The following KCNH1 variants were observed in gnomAD, a reference collection of about 807,000 sequenced individuals.
The protein encoded by KCNH1 is potassium voltage-gated channel subfamily H member 1, also known as voltage-gated delayed rectifier potassium channel KCNH1.
KCNH1 carries 27 observed loss-of-function variants against 69.2 expected under a neutral mutation model. That is an observed-to-expected ratio of 0.39 (90% CI 0.29 to 0.54). KCNH1 has a LOEUF of 0.54. Among genes scored for constraint, KCNH1 ranks in the 20% least tolerant of loss-of-function variants. The pLI, the probability that KCNH1 is intolerant of heterozygous loss-of-function variation, is 0.68. For synonymous variants in KCNH1, 456 were observed against 487.7 expected, an observed-to-expected ratio of 0.93 and a Z score of 0.86; for missense variants, 798 against 1,261.6, an observed-to-expected ratio of 0.63 and a Z score of 5.57.
intron 10 of KCNH1, among the ~76,000 whole-genome samples, chr1:210,759,166 C>CACAT (rs1323850343): frequency 6.6e-6 from 1 of 151,418 alleles, no homozygotes; most frequent in East Asian, 1.9e-4. Context: ...GACACACACA[C>CACAT]ACACACACAC....
intron 7 of KCNH1, among the ~76,000 whole-genome samples, chr1:210,811,380 T>C (rs949627610): frequency 6.6e-6 from 1 of 152,156 alleles, no homozygotes; most frequent in Non-Finnish European, 1.5e-5. Context: ...CTGGTGAAAA[T>C]TTTTTGGGAG....
At chr1:210,718,908 CAA>C (rs1682379328) in intron 10 of KCNH1, among the ~76,000 whole-genome samples, 1 of 151,762 alleles carries the variant, frequency 6.6e-6, no homozygotes, top group Non-Finnish European at 1.5e-5. Context: ...GGAGAAGACT[CAA>C]GAGTCTGTGG....
intron 10 of KCNH1, among the ~76,000 whole-genome samples, chr1:210,691,972 G>T (rs1036582057): frequency 1.1e-4 from 17 of 152,194 alleles, no homozygotes; most frequent in African/African-American, 4.1e-4. Context: ...AGGAGGAGTA[G>T]GAATGCACAG....
chr1:211,021,749 T>A (rs538524775), intron 5 of KCNH1, among the ~76,000 whole-genome samples: 1 of 151,986 alleles, frequency 6.6e-6, no homozygotes, highest in Admixed American at 6.6e-5. Flanking sequence ...ACAAAAAAAA[T>A]TAAATGTCTA....
chr1:210,688,017 G>A (rs1329744108), intron 10 of KCNH1, among the ~76,000 whole-genome samples: 1 of 152,186 alleles, frequency 6.6e-6, no homozygotes, highest in Non-Finnish European at 1.5e-5. Flanking sequence ...TAGGTACTAT[G>A]AGGGGGAAAA....
intron 7 of KCNH1, among the ~76,000 whole-genome samples, chr1:210,915,400 GA>G (rs1266465913): frequency 6.6e-6 from 1 of 152,200 alleles, no homozygotes; most frequent in African/African-American, 2.4e-5. Context: ...TCCTCTCCTA[GA>G]TGTCACACAG....
intron 7 of KCNH1, among the ~76,000 whole-genome samples, chr1:210,849,758 TC>T (rs1685642823): frequency 6.6e-6 from 1 of 152,064 alleles, no homozygotes; most frequent in South Asian, 2.1e-4. Flanking sequence ...AGGAGCTCCA[TC>T]TACCCCACCC....
At position 210,681,401 on chromosome 1, in the gene KCNH1, G is replaced by T. The variant is rs1037977558; in HGVS notation, c.*1880C>A. 6.6e-6 allele frequency: 1 copy of T among 152,266 alleles called. No individual in the cohort carries two copies. The highest frequency in any genetic ancestry group is 2.4e-5 in the African/African-American group (1 of 41,452). 9.4% of individuals were successfully genotyped at this position (152,266 alleles called of 1,614,324 possible). On this transcript the variant is annotated 3_prime_UTR_variant, in exon 11 of 11. Coordinates refer to ENST00000271751, the MANE Select transcript of KCNH1 (RefSeq NM_172362.3). ...ATTATGTCGCAACCTGGAGAAGCCAGGGGCAGCCCCTGTAAGCCTGATGTG... is the reference window on the plus strand; with the variant it reads ...ATTATGTCGCAACCTGGAGAAGCCATGGGCAGCCCCTGTAAGCCTGATGTG...
chr1:210,705,386 G>A (rs1681883679), intron 10 of KCNH1, among the ~76,000 whole-genome samples: 1 of 152,162 alleles, frequency 6.6e-6, no homozygotes, highest in African/African-American at 2.4e-5. Context: ...ACACATGGAG[G>A]TCAGACAGAG....
chr1:211,077,354 G>A lies in KCNH1; in HGVS notation c.558+5426C>T, dbSNP rs553950154. On this transcript the variant is annotated intron_variant, in intron 5 of 10. Coordinates refer to ENST00000271751, the MANE Select transcript of KCNH1 (RefSeq NM_172362.3). The stretch of plus-strand genomic sequence containing the variant: ...AGGAAAAAATGTTAAGGGCAGCCAG[G>A]TAGAAAGGTCGAGTTACCCACAAAG... Among the ~76,000 whole-genome samples, 363 of 152,170 alleles carry A rather than the reference G, an allele frequency of 2.4e-3. 3 individuals carry two copies. The highest frequency in any genetic ancestry group is 8.3e-3 in the African/African-American group (344 of 41,504).
intron 5 of KCNH1, among the ~76,000 whole-genome samples, chr1:211,044,667 C>T (rs1690060442): frequency 6.6e-6 from 1 of 152,084 alleles, no homozygotes; most frequent in South Asian, 2.1e-4. Context: ...AAATGCTCAA[C>T]ATCACTAACA....
intron 9 of KCNH1, among the ~76,000 whole-genome samples, chr1:210,787,406 T>C (rs1335898556): frequency 6.6e-6 from 1 of 152,198 alleles, no homozygotes; most frequent in African/African-American, 2.4e-5. Flanking sequence ...CTTGGCTCTA[T>C]GTTATAAAAT....
At chr1:210,894,062 G>A (rs1023189005) in intron 7 of KCNH1, among the ~76,000 whole-genome samples, 2 of 152,040 alleles carry the variant, frequency 1.3e-5, no homozygotes, top group African/African-American at 4.8e-5. Context: ...AGTCAGTTTT[G>A]GCTGACTGAT....
At chr1:210,848,488 C>T (rs974616381) in intron 7 of KCNH1, among the ~76,000 whole-genome samples, 1 of 152,188 alleles carries the variant, frequency 6.6e-6, no homozygotes, top group Non-Finnish European at 1.5e-5. Context: ...TCTAGCGTCT[C>T]ACCCACATGC....
intron 1 of KCNH1, among the ~76,000 whole-genome samples, chr1:211,124,590 C>G (rs1255974470): frequency 6.6e-6 from 1 of 152,120 alleles, no homozygotes; most frequent in East Asian, 1.9e-4. Flanking sequence ...GCACTCCAGC[C>G]TGGCGACAGA....
chr1:210,911,227 T>A lies in KCNH1; in HGVS notation c.1462+8413A>T, dbSNP rs545561056. Among the ~76,000 whole-genome samples the A allele has an allele frequency of 1.1e-3, 167 of 152,012 alleles. 1 individual carries two copies. The highest frequency in any genetic ancestry group is 3.9e-3 in the African/African-American group (162 of 41,452). The stretch of plus-strand genomic sequence containing the variant: ...TGCCTGGCCCACGGCTCTTCCCAAA[T>A]AAATGGGGTATATACTGCCTGACCC... On this transcript the variant is annotated intron_variant, in intron 7 of 10. Transcript: ENST00000271751.
intron 6 of KCNH1, among the ~76,000 whole-genome samples, chr1:210,986,131 G>C (rs1688828876): frequency 6.6e-6 from 1 of 152,004 alleles, no homozygotes; most frequent in African/African-American, 2.4e-5. Flanking sequence ...TTCTCCATTT[G>C]CTTAGTAGAT....
intron 7 of KCNH1, among the ~76,000 whole-genome samples, chr1:210,820,048 T>C (rs1684898109): frequency 6.6e-6 from 1 of 152,214 alleles, no homozygotes; most frequent in African/African-American, 2.4e-5. Context: ...GCAACCGGGC[T>C]GCTCCCAAAT....
intron 7 of KCNH1, among the ~76,000 whole-genome samples, chr1:210,904,839 C>T (rs1375490543): frequency 6.6e-6 from 1 of 152,188 alleles, no homozygotes; most frequent in Non-Finnish European, 1.5e-5. Flanking sequence ...GAAATAGAGC[C>T]ATTACCTCCT....
Sources: allele counts gnomAD v4.1 joint callset (sites outside exome capture counted in the v4.1 genomes callset), GRCh38; gene constraint gnomAD v4.1.1; transcripts MANE v1.5; gene names NCBI Gene and HGNC (gene_info 2026-07-23, HGNC 2026-07-21).